The following PRKCB variants were observed in gnomAD, a reference collection of about 807,000 sequenced individuals.
PRKCB encodes the protein protein kinase C beta.
Under a neutral mutation model 81.5 loss-of-function variants are expected in PRKCB, and 13 were observed. That is an observed-to-expected ratio of 0.16 (90% CI 0.10 to 0.25). The LOEUF is 0.25. Ranked by LOEUF, PRKCB falls within the 10% of genes least tolerant of loss-of-function variation. The pLI is 1.00. For synonymous variants in PRKCB, 335 were observed against 321.4 expected (o/e 1.04, Z -0.45); for missense variants, 509 against 875.7 (o/e 0.58, Z 5.29).
intron 7 of PRKCB, among the ~76,000 whole-genome samples, chr16:24,096,666 A>AAATATAT (rs1406204037): frequency 4.3e-4 from 14 of 32,686 alleles, no homozygotes; most frequent in African/African-American, 9.7e-4. Context: ...AAAAAAAAAA[A>AAATATAT]ATATATATAT....
At chr16:24,101,238 T>C (rs1966502797) in intron 7 of PRKCB, among the ~76,000 whole-genome samples, 1 of 152,206 alleles carries the variant, frequency 6.6e-6, no homozygotes, top group Admixed American at 6.5e-5. Context: ...GGAGCTGTTA[T>C]CGTCTTTGTT....
At chr16:23,951,008 G>T (rs953433133) in intron 2 of PRKCB, among the ~76,000 whole-genome samples, 1 of 152,104 alleles carries the variant, frequency 6.6e-6, no homozygotes, top group African/African-American at 2.4e-5. Context: ...TATCCTGCCG[G>T]CAGTCATCTC....
At chr16:23,936,156 A>G (rs1964054794) in intron 2 of PRKCB, among the ~76,000 whole-genome samples, 1 of 150,572 alleles carries the variant, frequency 6.6e-6, no homozygotes, top group African/African-American at 2.4e-5. Context: ...TTGTTGTCAC[A>G]CAAAAGATGA....
intron 2 of PRKCB, among the ~76,000 whole-genome samples, chr16:23,968,248 C>A (rs1023486953): frequency 6.6e-6 from 1 of 152,116 alleles, no homozygotes; most frequent in African/African-American, 2.4e-5. Flanking sequence ...TTGTCAGGAC[C>A]CTGCAGGAAA....
intron 5 of PRKCB, among the ~76,000 whole-genome samples, chr16:24,042,847 C>T (rs1237349176): frequency 6.6e-6 from 1 of 151,650 alleles, no homozygotes; most frequent in Non-Finnish European, 1.5e-5. Context: ...AATTGATTCT[C>T]CCACCTCAGC....
At chr16:23,895,229 C>T (rs1164536392) in intron 2 of PRKCB, among the ~76,000 whole-genome samples, 1 of 151,920 alleles carries the variant, frequency 6.6e-6, no homozygotes, top group Non-Finnish European at 1.5e-5. Context: ...AATTGCCTTG[C>T]CATCTGCAAT....
intron 5 of PRKCB, among the ~76,000 whole-genome samples, chr16:24,036,883 C>T (rs757590130): frequency 2.6e-5 from 4 of 152,152 alleles, no homozygotes; most frequent in Non-Finnish European, 4.4e-5. Context: ...GAAATACACT[C>T]GTTCCAAAGC....
At chr16:23,869,173 A>G in intron 2 of PRKCB, 1 of 452,734 alleles carries the variant, frequency 2.2e-6, no homozygotes, top group Non-Finnish European at 4.4e-6. Context: ...GTGAGCAGAC[A>G]CAATCTACTC....
At chr16:24,169,373 C>T (rs1037774814) in intron 10 of PRKCB, among the ~76,000 whole-genome samples, 7 of 152,138 alleles carry the variant, frequency 4.6e-5, no homozygotes, top group African/African-American at 1.2e-4. Context: ...AGTCACATTT[C>T]GCATTAGTCC....
chr16:24,197,449 A>G (rs1967896230), intron 16 of PRKCB, among the ~76,000 whole-genome samples: 1 of 152,106 alleles, frequency 6.6e-6, no homozygotes, highest in Non-Finnish European at 1.5e-5. Flanking sequence ...TGGCATGGTC[A>G]AGGGAGAGCA....
In PRKCB at chr16:24,219,713, G is replaced by T; in HGVS notation, c.*4897G>T. The T allele has an allele frequency of 4.0e-6, 5 of 1,261,998 alleles. No homozygotes were observed. Among genetic ancestry groups the T allele is most frequent in the East Asian group, 3.9e-5 (1 of 25,972 alleles). The allele number at this position is 1,261,998 out of a possible 1,614,324, so 78.2% of individuals were successfully genotyped here. A position where few individuals can be genotyped will look rare whatever the true frequency, so the allele number is the denominator to read the frequency against. ...ACACACACACACACACCACTTTATG[G>T]CAATTCTTAACTGACATTCAATGAC... On this transcript the variant is annotated 3_prime_UTR_variant, in exon 17 of 17. Transcript: ENST00000643927.
At chr16:24,069,401 G>A (rs899712580) in intron 5 of PRKCB, among the ~76,000 whole-genome samples, 2 of 152,146 alleles carry the variant, frequency 1.3e-5, no homozygotes. Context: ...CCCGGAAGAG[G>A]CTGAGCACTG....
chr16:24,096,093 C>T (rs529122918), intron 7 of PRKCB, among the ~76,000 whole-genome samples: 104 of 152,062 alleles, frequency 6.8e-4, no homozygotes, highest in South Asian at 1.7e-3. Flanking sequence ...ATCGGGAGAT[C>T]GAGACCATCC....
intron 5 of PRKCB, among the ~76,000 whole-genome samples, chr16:24,069,468 C>A (rs1966080384): frequency 6.6e-6 from 1 of 152,016 alleles, no homozygotes; most frequent in Non-Finnish European, 1.5e-5. Context: ...TGGGTCTGAG[C>A]GTGGTGGCTC....
intron 2 of PRKCB, among the ~76,000 whole-genome samples, chr16:23,890,171 G>A (rs1020125233): frequency 2.6e-4 from 40 of 152,122 alleles, no homozygotes; most frequent in African/African-American, 7.2e-4. Context: ...TCCTTACTGA[G>A]GCAGCTAATA....
At chr16:23,985,077 A>G (rs146230827) in intron 2 of PRKCB, among the ~76,000 whole-genome samples, 187 of 151,998 alleles carry the variant, frequency 1.2e-3, no homozygotes, top group African/African-American at 3.9e-3. Context: ...TTGCTTTCCT[A>G]TTGTTTTTGT....
intron 9 of PRKCB, among the ~76,000 whole-genome samples, chr16:24,152,380 C>T (rs968252606): frequency 1.3e-5 from 2 of 152,156 alleles, no homozygotes; most frequent in African/African-American, 2.4e-5. Flanking sequence ...GTGGAAATTA[C>T]GGGAGCTACA....
intron 2 of PRKCB, among the ~76,000 whole-genome samples, chr16:23,839,425 C>G (rs1323831853): frequency 1.3e-5 from 2 of 151,982 alleles, no homozygotes. Flanking sequence ...AAGTACGCAC[C>G]ACCATGCCTG....
At chr16:24,016,447 G>T (rs955791987) in intron 3 of PRKCB, among the ~76,000 whole-genome samples, 4 of 151,934 alleles carry the variant, frequency 2.6e-5, no homozygotes, top group Non-Finnish European at 5.9e-5. Flanking sequence ...AAGCAGAAAA[G>T]ACTCGCTTAA....
Sources: allele counts gnomAD v4.1 joint callset (sites outside exome capture counted in the v4.1 genomes callset), GRCh38; gene constraint gnomAD v4.1.1; transcripts MANE v1.5; gene names NCBI Gene and HGNC (gene_info 2026-07-23, HGNC 2026-07-21).